Variants in COQ9 observed in about 807,000 individuals in gnomAD.
COQ9 encodes the protein ubiquinone biosynthesis protein COQ9, mitochondrial.
In COQ9, 35 loss-of-function variants were observed where a neutral mutation model predicts 42.4. That is an observed-to-expected ratio of 0.83 (90% CI 0.63 to 1.10). The LOEUF (loss-of-function observed/expected upper bound fraction) is 1.10, where lower values mean the gene tolerates loss of function less well. COQ9 is among the 50% of genes least tolerant of loss of function. The pLI is 0.00. For synonymous variants in COQ9, 155 were observed against 155.1 expected (o/e 1.00, Z 0.00); for missense variants, 406 against 414.6 (o/e 0.98, Z 0.18).
chr16:57,460,625 G>A lies in COQ9; in HGVS notation c.*1G>A, dbSNP rs749067347. ...GACAGGTCTAAACCAGCGTCGGTGAGAGGAAGGGGTATAAGCTACAATGCC... is the reference window on the plus strand; with the variant it reads ...GACAGGTCTAAACCAGCGTCGGTGAAAGGAAGGGGTATAAGCTACAATGCC... On this transcript the variant is annotated 3_prime_UTR_variant, in exon 9 of 9. Coordinates refer to ENST00000262507, the MANE Select transcript of COQ9 (RefSeq NM_020312.4). The A allele has an allele frequency of 1.9e-6, 3 of 1,613,674 alleles. No individual in the cohort carries two copies. The East Asian group carries it at 6.7e-5, about 36-fold the overall frequency.
intron 6 of COQ9, 45 bp from the exon 7 acceptor site, chr16:57,459,520 T>A (rs1348000928): frequency 4.3e-6 from 7 of 1,611,872 alleles, no homozygotes; most frequent in Non-Finnish European, 5.1e-6. Context: ...AGGAACTGCC[T>A]CAGACTTGCA....
intron 4 of COQ9, 48 bp from the exon 5 acceptor site, chr16:57,456,883 C>A (rs1417740541): frequency 6.6e-7 from 1 of 1,522,144 alleles, no homozygotes; most frequent in Non-Finnish European, 9.1e-7. Context: ...GAGCACTGAG[C>A]CCCTGCCTTT....
rs753034743 is a variant in COQ9 at position 57,460,602 on chromosome 16, C to T, written c.935C>T (p.Thr312Ile). Reference protein sequence around the residue: ...MGAAVTLKNLTGLNQRR With the variant: ...MGAAVTLKNLIGLNQRR ...TTCCCGTGTCAGCTCAAGAACTTGA[C>T]AGGTCTAAACCAGCGTCGGTGAGAG... is the stretch of plus-strand genomic sequence containing the variant. Residue 312 changes from threonine (T) to isoleucine (I), a missense_variant, in exon 9 of 9, where the codon ACA becomes ATA. Transcript: ENST00000262507. The T allele has an allele frequency of 1.6e-5, 26 of 1,613,902 alleles. 1 individual carries two copies. Among genetic ancestry groups the T allele is most frequent in the Non-Finnish European group, 2.1e-5 (25 of 1,179,926 alleles).
At chr16:57,455,670 G>A (rs1437122182) in intron 3 of COQ9, among the ~76,000 whole-genome samples, 2 of 152,048 alleles carry the variant, frequency 1.3e-5, no homozygotes, top group African/African-American at 2.4e-5. Context: ...AGTGGATCGA[G>A]GTGTGCATAG....
At chr16:57,458,211 G>A in intron 5 of COQ9, 35 bp from the exon 6 acceptor site, 3 of 1,459,182 alleles carry the variant, frequency 2.1e-6, no homozygotes, top group Non-Finnish European at 2.8e-6. Flanking sequence ...CATTACCTGT[G>A]AGCAGAGCTT....
chr16:57,461,191 G>A lies in COQ9; in HGVS notation c.*567G>A. ...ACAGAGGTGTGATTCCAGGCCTGGT[G>A]TCACATGACACCAGCATGCATTGCA... On this transcript the variant is annotated 3_prime_UTR_variant, in exon 9 of 9. Transcript: ENST00000262507. The A allele has an allele frequency of 2.2e-6, 1 of 455,796 alleles. No individual in the cohort carries two copies. 28.2% of individuals were successfully genotyped at this position (455,796 alleles called of 1,614,324 possible).
chr16:57,450,894 A>G (rs966302242), intron 1 of COQ9, 146 bp from the exon 2 acceptor site: 1 of 914,858 alleles, frequency 1.1e-6, no homozygotes, highest in South Asian at 1.4e-5. Context: ...AGTTTACCCA[A>G]TATTTTTGTG....
At chr16:57,450,935 CAGGA>C in intron 1 of COQ9, 101 bp from the exon 2 acceptor site, 1 of 1,240,198 alleles carries the variant, frequency 8.1e-7, no homozygotes, top group Non-Finnish European at 1.2e-6. Context: ...AGTGGTTCTA[CAGGA>C]GTCTCTGGCC....
Position 57,452,639 on chromosome 16 carries a change from C to G in COQ9, c.243-162C>G, listed in dbSNP as rs146787594. ...CCTGGGCGACAGAGGGAGACTCTGTCTCAAAAACAAAAAACAAACAAGAAA... is the reference window on the plus strand; with the variant it reads ...CCTGGGCGACAGAGGGAGACTCTGTGTCAAAAACAAAAAACAAACAAGAAA... On this transcript the variant is annotated intron_variant, in intron 2 of 8. Coordinates refer to ENST00000262507, the MANE Select transcript of COQ9 (RefSeq NM_020312.4). 2.8e-4 allele frequency among the ~76,000 whole-genome samples: 42 copies of G among 152,206 alleles called. No individual in the cohort carries two copies. In the East Asian group the frequency reaches 4.6e-3, roughly 17 times the overall value.
rs557144894 is a variant in COQ9, at chr16:57,456,616, A to G, written c.491A>G (p.Glu164Gly). 6.2e-7 allele frequency: 1 copy of G among 1,614,022 alleles called. No homozygotes were observed. The highest frequency in any genetic ancestry group is 8.5e-7 in the Non-Finnish European group (1 of 1,180,004). Reference sequence around the variant, plus strand: ...CGGCTCACACGTGTGCTAGAAGAGGAGCAGAAGCTGGTACAGTTGGGCCAG... The same window carrying G: ...CGGCTCACACGTGTGCTAGAAGAGGGGCAGAAGCTGGTACAGTTGGGCCAG... ...NTRLTRVLEE[E>G]QKLVQLGQAE... The change falls in exon 4 of 9, where the codon GAG (glutamate) becomes GGG (glycine). Residue 164 changes from glutamate (E) to glycine (G), a missense_variant. Physicochemically the swap from Glu to Gly is moderately conservative, Grantham distance 98. Transcript: ENST00000262507.
intron 1 of COQ9, chr16:57,447,931 G>A (rs1308709049): frequency 9.3e-6 from 2 of 215,330 alleles, no homozygotes; most frequent in Non-Finnish European, 1.8e-5. Context: ...GGAAGGACAG[G>A]TGGACACGGC....
At position 57,460,807 on chromosome 16, in the gene COQ9, G is replaced by T; in HGVS notation, c.*183G>T. The T allele has an allele frequency of 1.6e-6, 1 of 629,342 alleles. No homozygotes were observed. The highest frequency in any genetic ancestry group is 2.9e-6 in the Non-Finnish European group (1 of 346,840). The allele number at this position is 629,342 out of a possible 1,614,324, so 39.0% of individuals were successfully genotyped here. A position where few individuals can be genotyped will look rare whatever the true frequency, so the allele number is the denominator to read the frequency against. ...ATTTGATGCTACCGTTCTGGTCAGG[G>T]ATTGGGCTGCTTCTTCAGTTCCTAA... On this transcript the variant is annotated 3_prime_UTR_variant, in exon 9 of 9. Coordinates refer to ENST00000262507, the MANE Select transcript of COQ9 (RefSeq NM_020312.4).
rs537844510 is a variant in COQ9, at chr16:57,455,748, A to G, written c.379-756A>G. Among the ~76,000 whole-genome samples the G allele has an allele frequency of 3.3e-5, 5 of 152,276 alleles. No individual in the cohort carries two copies. In the South Asian group the frequency reaches 1.0e-3, roughly 32 times the overall value. ...CTAGGGTGCACCAAGCAGGAGAAAC[A>G]GATGGAAGTTTGGACATGATTGAAC... On this transcript the variant is annotated intron_variant, in intron 3 of 8. Transcript: ENST00000262507.
rs1440120961 is a variant in COQ9 at position 57,451,270 on chromosome 16, C to T, written c.242+62C>T. ...TGCTTCATTATGTCTGTTCCTCCTT[C>T]ACTTCCTCTCTCCTCTCCATCCCCT... On this transcript the variant is annotated intron_variant, in intron 2 of 8. Coordinates refer to ENST00000262507, the MANE Select transcript of COQ9 (RefSeq NM_020312.4). 4.0e-6 allele frequency: 6 copies of T among 1,503,310 alleles called. No individual in the cohort carries two copies. The East Asian group carries it at 6.8e-5, about 17-fold the overall frequency. The allele number at this position is 1,503,310 out of a possible 1,614,324, so 93.1% of individuals were successfully genotyped here.
intron 3 of COQ9, chr16:57,453,203 A>G (rs1405030192): frequency 3.7e-6 from 2 of 538,496 alleles, no homozygotes; most frequent in Non-Finnish European, 6.7e-6. Context: ...CCCATGTTTC[A>G]TTGACTCTAA....
intron 3 of COQ9, 118 bp from the exon 4 acceptor site, chr16:57,456,386 G>A (rs2030402762): frequency 8.4e-7 from 1 of 1,194,704 alleles, no homozygotes; most frequent in African/African-American, 1.5e-5. Flanking sequence ...AAATCACATG[G>A]ACCCAGAGTG....
At chr16:57,452,334 T>C (rs2146587125) in intron 2 of COQ9, among the ~76,000 whole-genome samples, 1 of 152,330 alleles carries the variant, frequency 6.6e-6, no homozygotes. Flanking sequence ...TAGTTTTTAC[T>C]CTGTTGGCAT....
intron 1 of COQ9, among the ~76,000 whole-genome samples, chr16:57,449,113 G>A (rs1327448708): frequency 1.3e-5 from 2 of 152,204 alleles, no homozygotes; most frequent in Admixed American, 6.5e-5. Flanking sequence ...AGGAAGGCAG[G>A]TGGGGACTCA....
chr16:57,458,141 A>G, intron 5 of COQ9, 105 bp from the exon 6 acceptor site: 1 of 832,730 alleles, frequency 1.2e-6, no homozygotes, highest in Admixed American at 2.0e-5. Flanking sequence ...TCAGAGAACC[A>G]GAGCTTGGCA....
Sources: allele counts gnomAD v4.1 joint callset (sites outside exome capture counted in the v4.1 genomes callset), GRCh38; gene constraint gnomAD v4.1.1; transcripts MANE v1.5; gene names NCBI Gene and HGNC (gene_info 2026-07-23, HGNC 2026-07-21).